The following SDC2 variants were observed in gnomAD, a reference collection of about 807,000 sequenced individuals.
SDC2 encodes syndecan 2, also known as syndecan-2.
Under a neutral mutation model 22.2 loss-of-function variants are expected in SDC2, and 13 were observed. That is an observed-to-expected ratio of 0.59 (90% CI 0.38 to 0.93). The LOEUF (loss-of-function observed/expected upper bound fraction) is 0.93. Ranked by LOEUF, SDC2 falls within the 40% of genes least tolerant of loss-of-function variation. SDC2 has a pLI of 0.00. For missense variants in SDC2, 235 were observed against 246.8 expected (o/e 0.95, Z 0.32); for synonymous variants, 94 against 92.8 (o/e 1.01, Z -0.07).
chr8:96,590,522 A>C (rs1814763159), intron 1 of SDC2, among the ~76,000 whole-genome samples: 2 of 152,106 alleles, frequency 1.3e-5, no homozygotes, highest in South Asian at 4.1e-4. Flanking sequence ...GTCCCAAGGG[A>C]ATATTGGTGC....
intron 3 of SDC2, among the ~76,000 whole-genome samples, chr8:96,605,782 A>G (rs1192277584): frequency 6.6e-6 from 1 of 152,198 alleles, no homozygotes; most frequent in Non-Finnish European, 1.5e-5. Flanking sequence ...ACAGGGACCT[A>G]TTGATCTTAC....
intron 3 of SDC2, among the ~76,000 whole-genome samples, chr8:96,605,925 G>C (rs1205770405): frequency 2.0e-5 from 3 of 152,110 alleles, no homozygotes; most frequent in African/African-American, 7.2e-5. Flanking sequence ...AGCCCAAGAA[G>C]GTGTGAGGTC....
chr8:96,533,486 C>G (rs149308572), intron 1 of SDC2, among the ~76,000 whole-genome samples: 36 of 152,174 alleles, frequency 2.4e-4, no homozygotes, highest in Non-Finnish European at 1.3e-4. Flanking sequence ...AAACCTTGAG[C>G]TAGACACAGG....
chr8:96,581,610 C>T (rs928641454), intron 1 of SDC2, among the ~76,000 whole-genome samples: 2 of 149,044 alleles, frequency 1.3e-5, no homozygotes, highest in East Asian at 3.9e-4. Flanking sequence ...CCAGCCTGGG[C>T]GACAGAGCGA....
chr8:96,576,087 A>G (rs1814484068), intron 1 of SDC2, among the ~76,000 whole-genome samples: 1 of 152,098 alleles, frequency 6.6e-6, no homozygotes, highest in Non-Finnish European at 1.5e-5. Context: ...ATCCCCACAC[A>G]CAAATACATC....
chr8:96,608,723 T>C (rs143911961), intron 4 of SDC2, among the ~76,000 whole-genome samples: 1 of 152,274 alleles, frequency 6.6e-6, no homozygotes, highest in Non-Finnish European at 1.5e-5. Context: ...AAAGTTAACA[T>C]CTGAATTGAT....
chr8:96,575,242 C>T (rs1814467870), intron 1 of SDC2, among the ~76,000 whole-genome samples: 2 of 152,114 alleles, frequency 1.3e-5, no homozygotes, highest in African/African-American at 4.8e-5. Context: ...CCTGAGTGAG[C>T]ACTGGCATCT....
chr8:96,570,508 G>A (rs1199876477), intron 1 of SDC2, among the ~76,000 whole-genome samples: 1 of 152,202 alleles, frequency 6.6e-6, no homozygotes, highest in African/African-American at 2.4e-5. Flanking sequence ...AGATAGAGAA[G>A]TATGTAGACT....
chr8:96,595,913 A>C (rs913767706), intron 2 of SDC2, among the ~76,000 whole-genome samples: 4 of 152,240 alleles, frequency 2.6e-5, no homozygotes, highest in African/African-American at 9.6e-5. Flanking sequence ...CCCTAGCCTT[A>C]GGCAGATCAC....
intron 1 of SDC2, among the ~76,000 whole-genome samples, chr8:96,587,009 G>A (rs755767844): frequency 6.6e-5 from 10 of 152,050 alleles, no homozygotes; most frequent in African/African-American, 1.9e-4. Context: ...TGCAACCTCC[G>A]TCTCCTGGGT....
chr8:96,587,045 C>A (rs2130620125), intron 1 of SDC2, among the ~76,000 whole-genome samples: 1 of 152,276 alleles, frequency 6.6e-6, no homozygotes, highest in East Asian at 1.9e-4. Context: ...GCCTCGGCCT[C>A]CCAAGTAGCT....
intron 1 of SDC2, among the ~76,000 whole-genome samples, chr8:96,555,403 A>G (rs1236267433): frequency 1.3e-5 from 2 of 152,124 alleles, no homozygotes; most frequent in South Asian, 4.1e-4. Context: ...CAATTAACCA[A>G]TATTTATTGA....
chr8:96,504,204 C>T (rs1396470146), intron 1 of SDC2, among the ~76,000 whole-genome samples: 1 of 152,204 alleles, frequency 6.6e-6, no homozygotes, highest in Non-Finnish European at 1.5e-5. Flanking sequence ...ATCTGTGCTT[C>T]GGACTCAATT....
At chr8:96,589,504 C>T (rs1338962438) in intron 1 of SDC2, among the ~76,000 whole-genome samples, 1 of 152,164 alleles carries the variant, frequency 6.6e-6, no homozygotes, top group Admixed American at 6.5e-5. Context: ...CCTCTGCCTC[C>T]CAGGTTCAAG....
intron 1 of SDC2, among the ~76,000 whole-genome samples, chr8:96,554,087 G>T (rs917254171): frequency 1.3e-5 from 2 of 151,988 alleles, no homozygotes; most frequent in African/African-American, 4.8e-5. Context: ...TACTGTACCC[G>T]GCCTAATTTT....
At chr8:96,600,637 G>T (rs953251454) in intron 2 of SDC2, among the ~76,000 whole-genome samples, 2 of 152,152 alleles carry the variant, frequency 1.3e-5, no homozygotes, top group African/African-American at 4.8e-5. Flanking sequence ...AGAGTGGAGG[G>T]ATAATAAGAA....
chr8:96,547,734 GA>G (rs1176532473), intron 1 of SDC2, among the ~76,000 whole-genome samples: 1 of 149,446 alleles, frequency 6.7e-6, no homozygotes, highest in Non-Finnish European at 1.5e-5. Context: ...ATCCTTGTTT[GA>G]TTTTTTTTTT....
chr8:96,564,048 G>A (rs1423354841), intron 1 of SDC2, among the ~76,000 whole-genome samples: 1 of 152,172 alleles, frequency 6.6e-6, no homozygotes, highest in East Asian at 1.9e-4. Context: ...CAGCATCTCT[G>A]TTGTTCCTGC....
chr8:96,494,896 C>A (rs1813044589), intron 1 of SDC2, among the ~76,000 whole-genome samples: 1 of 152,204 alleles, frequency 6.6e-6, no homozygotes, highest in African/African-American at 2.4e-5. Context: ...TTGTTTGATG[C>A]TCCCTGCGGC....
Sources: gnomAD v4.1 joint callset for allele counts (sites outside exome capture counted in the v4.1 genomes callset) on GRCh38, gnomAD v4.1.1 for gene constraint, MANE v1.5 for transcripts, NCBI Gene and HGNC (gene_info 2026-07-23, HGNC 2026-07-21) for gene names.